XPO5: variants seen among roughly 807,000 people sequenced by gnomAD.
The protein encoded by XPO5 is exportin-5.
In XPO5, 46 loss-of-function variants were observed where a neutral mutation model predicts 160.6. The observed-to-expected ratio is 0.29, with a 90% CI of 0.23 to 0.37. XPO5 has a LOEUF of 0.37. Among genes scored for constraint, XPO5 ranks in the 10% least tolerant of loss-of-function variants. The pLI is 1.00. For synonymous variants in XPO5, 537 were observed against 519.3 expected (o/e 1.03, Z -0.46); for missense variants, 1,090 against 1,463.9 (o/e 0.74, Z 4.17).
In XPO5 at chr6:43,567,336, C is replaced by A. The variant is rs1762746231; in HGVS notation, c.667G>T (p.Val223Leu). Residue 223 changes from valine (V) to leucine (L), a missense_variant, in exon 7 of 32, where the codon GTA becomes TTA. Val to Leu is a conservative substitution (Grantham distance 32). Around this residue, in one of 3 missense-constraint regions of XPO5, gnomAD observed 110 missense variants for 97.9 expected, o/e 1.12. Coordinates refer to ENST00000265351, the MANE Select transcript of XPO5 (RefSeq NM_020750.3). ...QESKAQANCR[V>L]GVAALNTLAG... ...AGAGTATTCAGTGCTGCAACTCCTA[C>A]TCGACAGTTTGCTTGCGCCTACCAG... 1.2e-6 allele frequency: 2 copies of A among 1,607,094 alleles called. No individual in the cohort carries two copies. Among genetic ancestry groups the A allele is most frequent in the African/African-American group, 1.3e-5 (1 of 74,688 alleles).
chr6:43,569,904 G>A (rs572849089), intron 5 of XPO5, among the ~76,000 whole-genome samples: 4 of 150,624 alleles, frequency 2.7e-5, no homozygotes, highest in East Asian at 1.9e-4. Context: ...CTAACACAGC[G>A]AAACTCCATC....
chr6:43,539,499 A>C (rs894885418), intron 20 of XPO5: 13 of 1,570,500 alleles, frequency 8.3e-6, no homozygotes, highest in Non-Finnish European at 1.0e-5. Flanking sequence ...TCCTTGACCA[A>C]GCGGCCCAGC....
chr6:43,540,445 C>T (rs1794631995), intron 20 of XPO5, among the ~76,000 whole-genome samples: 1 of 151,848 alleles, frequency 6.6e-6, no homozygotes, highest in African/African-American at 2.4e-5. Flanking sequence ...CGCCACTGCA[C>T]TCCAGCCTGG....
At chr6:43,543,311 G>C (rs1041259255) in intron 20 of XPO5, among the ~76,000 whole-genome samples, 7 of 152,046 alleles carry the variant, frequency 4.6e-5, no homozygotes, top group Admixed American at 3.9e-4. Context: ...AAATTAGCTG[G>C]GCATGGCTGC....
chr6:43,527,269 T>TA (rs1190082987), intron 26 of XPO5: 2 of 214,518 alleles, frequency 9.3e-6, no homozygotes, highest in Non-Finnish European at 1.9e-5. Flanking sequence ...TCAGTGTTGC[T>TA]ACAAACATGA....
chr6:43,528,252 G>T (rs1403333484), intron 24 of XPO5, 47 bp from the exon 25 acceptor site: 5 of 1,537,286 alleles, frequency 3.3e-6, no homozygotes, highest in Non-Finnish European at 4.4e-6. Flanking sequence ...GGAAAGGATT[G>T]GAACACATAA....
intron 3 of XPO5, among the ~76,000 whole-genome samples, chr6:43,572,226 G>A (rs993477166): frequency 6.6e-6 from 1 of 152,150 alleles, no homozygotes; most frequent in Non-Finnish European, 1.5e-5. Flanking sequence ...ACAGGCATGC[G>A]CCACCACGCT....
chr6:43,545,294 A>G (rs1794907731), intron 20 of XPO5, among the ~76,000 whole-genome samples: 2 of 152,228 alleles, frequency 1.3e-5, no homozygotes, highest in Admixed American at 6.5e-5. Flanking sequence ...TTGGGTGTCT[A>G]TTCCCAGGAG....
At chr6:43,565,231 T>C (rs1762637516) in intron 8 of XPO5, among the ~76,000 whole-genome samples, 1 of 152,018 alleles carries the variant, frequency 6.6e-6, no homozygotes, top group South Asian at 2.1e-4. Context: ...CAATGCCTCA[T>C]TTTCTTATCC....
intron 1 of XPO5, among the ~76,000 whole-genome samples, chr6:43,574,047 C>G (rs1763158492): frequency 1.3e-5 from 2 of 151,918 alleles, no homozygotes; most frequent in African/African-American, 4.8e-5. Context: ...CCAGGCTGGT[C>G]TTGAACTCCT....
chr6:43,558,226 T>C (rs918920605), intron 12 of XPO5, among the ~76,000 whole-genome samples: 2 of 152,130 alleles, frequency 1.3e-5, no homozygotes, highest in African/African-American at 4.8e-5. Flanking sequence ...TATTTAATCC[T>C]AAGTATGAAA....
At chr6:43,533,836 A>C in intron 21 of XPO5, 71 bp downstream of exon 21, 2 of 1,236,036 alleles carry the variant, frequency 1.6e-6, no homozygotes, top group South Asian at 2.5e-5. Context: ...GACTCTTAAA[A>C]AACAACAAAA....
At position 43,568,727 on chromosome 6, in the gene XPO5, G is replaced by T. The variant is rs997561637; in HGVS notation, c.632C>A (p.Thr211Asn). The T allele has an allele frequency of 1.9e-6, 3 of 1,577,922 alleles. No homozygotes were observed. Among genetic ancestry groups the T allele is most frequent in the Non-Finnish European group, 2.6e-6 (3 of 1,159,806 alleles). ...VNKYQQVKTD[T>N]SQESKAQANC... is the part of the protein sequence containing the mutation. ...AGCTCTTACCTTTGACTCCTGAGAA[G>T]TATCTGTCTTCTGAAAGGAAGTATA... The change falls in exon 6 of 32, where the codon ACT becomes AAT. Residue 211 changes from threonine to asparagine, a missense_variant. Thr to Asn is a moderately conservative substitution (Grantham distance 65, BLOSUM62 0). This residue lies in a region of XPO5 where 110 missense variants were observed against 97.9 expected (regional missense o/e 1.12). Coordinates refer to ENST00000265351, the MANE Select transcript of XPO5 (RefSeq NM_020750.3).
At chr6:43,530,889 C>G (rs552285767) in intron 22 of XPO5, 65 bp from the exon 23 acceptor site, 1 of 1,525,178 alleles carries the variant, frequency 6.6e-7, no homozygotes, top group South Asian at 1.3e-5. Context: ...CCAGCCCTGT[C>G]CCATGAATTT....
In XPO5 at chr6:43,560,208, A is replaced by G. The variant is rs755114936; in HGVS notation, c.1191T>C (p.Tyr397=). 8.7e-6 allele frequency: 14 copies of G among 1,612,756 alleles called. No homozygotes were observed. The South Asian group carries it at 1.3e-4, about 15-fold the overall frequency. The change falls in exon 11 of 32, where the codon TAT becomes TAC. Residue 397 remains tyrosine, a synonymous_variant. Coordinates refer to ENST00000265351, the MANE Select transcript of XPO5 (RefSeq NM_020750.3). ...CCAAGTTAGTCATGGAAGCACGAAG[A>G]TATTTTGGTATTATTGCTAATAGCA... ...DPLLLAIIPK[Y]LRASMTNLVK...
intron 20 of XPO5, among the ~76,000 whole-genome samples, chr6:43,541,515 C>T (rs891034986): frequency 1.3e-5 from 2 of 152,202 alleles, no homozygotes; most frequent in African/African-American, 4.8e-5. Context: ...GTAACCTCTA[C>T]CTGGTTCCAA....
chr6:43,567,422 C>A (rs1024373044), intron 6 of XPO5, 68 bp from the exon 7 acceptor site: 1 of 1,394,322 alleles, frequency 7.2e-7, no homozygotes, highest in African/African-American at 1.4e-5. Flanking sequence ...GTGGTTATAA[C>A]TGAACTCCCA....
At position 43,555,866 on chromosome 6, in the gene XPO5, A is replaced by C; in HGVS notation, c.1411T>G (p.Ser471Ala). 6.2e-7 allele frequency: 1 copy of C among 1,613,986 alleles called. No homozygotes were observed. Among genetic ancestry groups the C allele is most frequent in the Non-Finnish European group, 8.5e-7 (1 of 1,179,870 alleles). ...ACAGAACCAGCATCAAGAAAAGTTG[A>C]TAGTTGATACTTTAGCCACTCCCCA... ...MAGEWLKYQL[S>A]TFLDAGSVNS... is the part of the protein sequence containing the mutation. The change falls in exon 13 of 32, where the codon TCA (serine) becomes GCA (alanine). Residue 471 changes from serine to alanine, a missense_variant. This residue lies in a region of XPO5 where 810 missense variants were observed against 1,139.0 expected (regional missense o/e 0.71). Transcript: ENST00000265351.
At chr6:43,553,683 T>G in intron 13 of XPO5, 180 bp from the exon 14 acceptor site, 1 of 1,329,698 alleles carries the variant, frequency 7.5e-7, no homozygotes, top group Non-Finnish European at 9.7e-7. Flanking sequence ...TGATGTGTGC[T>G]GAAAGCAATG....
Sources: gnomAD v4.1 joint callset for allele counts (sites outside exome capture counted in the v4.1 genomes callset) on GRCh38, gnomAD v4.1.1 for gene constraint, gnomAD v4.1.1 regional missense constraint, MANE v1.5 for transcripts, NCBI Gene and HGNC (gene_info 2026-07-23, HGNC 2026-07-21) for gene names.